AGAP1: variants seen among roughly 807,000 people sequenced by gnomAD.
AGAP1 encodes the protein ArfGAP with GTPase domain, ankyrin repeat and PH domain 1.
In AGAP1, 29 loss-of-function variants were observed where a neutral mutation model predicts 105.3. The observed-to-expected ratio is 0.28, with a 90% confidence interval of 0.21 to 0.38. The LOEUF (loss-of-function observed/expected upper bound fraction) is 0.38, where lower values mean the gene tolerates loss of function less well. Among genes scored for constraint, AGAP1 ranks in the 10% least tolerant of loss-of-function variants. The probability of loss-of-function intolerance (pLI) is 1.00; values close to 1 mark genes in which losing one functional copy is unlikely to be tolerated. For missense variants in AGAP1, 998 were observed against 1,165.1 expected (o/e 0.86, Z 2.09); for synonymous variants, 509 against 485.9 (o/e 1.05, Z -0.63).
chr2:235,868,047 G>A (rs1369761986), intron 9 of AGAP1, among the ~76,000 whole-genome samples: 2 of 152,118 alleles, frequency 1.3e-5, no homozygotes, highest in Non-Finnish European at 2.9e-5. Context: ...TCAGTTAAAG[G>A]TGCCAGCTTT....
chr2:235,589,294 C>T (rs1945252848), intron 1 of AGAP1, among the ~76,000 whole-genome samples: 1 of 145,828 alleles, frequency 6.9e-6, no homozygotes, highest in Non-Finnish European at 1.5e-5. Flanking sequence ...CAATCCCTGC[C>T]TCCCAGGTTC....
At chr2:235,715,063 C>T (rs1252961221) in intron 2 of AGAP1, among the ~76,000 whole-genome samples, 10 of 152,324 alleles carry the variant, frequency 6.6e-5, no homozygotes, top group Non-Finnish European at 1.5e-4. Context: ...CCCCAAAGTG[C>T]CGGGATTACA....
rs939891722 is a variant in AGAP1 at position 235,734,763 on chromosome 2, C to T, written c.311-6200C>T. ...TGGATGCTGCAAAACGCAGCAAACA[C>T]GGAGGCTGCCGGCTTTGTTTCTGTA... On this transcript the variant is annotated intron_variant, in intron 3 of 17. Transcript: ENST00000304032. This position sits in a 1 kb window ranked among gnomAD's most constrained non-coding sequence, Gnocchi z 5.3. 3.6e-4 allele frequency among the ~76,000 whole-genome samples: 55 copies of T among 152,282 alleles called. 1 individual carries two copies. The highest frequency in any genetic ancestry group is 3.4e-3 in the Middle Eastern group (1 of 294).
Position 235,642,042 on chromosome 2 carries a change from T to C in AGAP1, c.164-67137T>C, listed in dbSNP as rs1025528011. Among the ~76,000 whole-genome samples, 4 of 152,226 alleles carry C rather than the reference T, an allele frequency of 2.6e-5. No individual in the cohort carries two copies. The highest frequency in any genetic ancestry group is 2.6e-4 in the Admixed American group (4 of 15,286). On this transcript the variant is annotated intron_variant, in intron 1 of 17. Transcript: ENST00000304032. This position sits in a 1 kb window ranked among gnomAD's most constrained non-coding sequence, Gnocchi z 4.1. ...ATCTTCTTACATCATCTTGCTTCTT[T>C]ACTCAGCATAAAGCCTCGTAGTAGA... is the stretch of plus-strand genomic sequence containing the variant.
intron 6 of AGAP1, chr2:235,774,294 C>G (rs186840058): frequency 8.8e-5 from 41 of 467,576 alleles, no homozygotes; most frequent in African/African-American, 4.4e-4. Context: ...AGAGGAGTCC[C>G]TCACACACCT....
rs1300627641 is a variant in AGAP1, at chr2:235,750,751, G to A, written c.673+263G>A. ...TGTGTCTCCTATGGGGCCTTTTTGT[G>A]TACAGGATAGAACATTTCTTGAGCT... On this transcript the variant is annotated intron_variant, in intron 6 of 17. Coordinates refer to ENST00000304032, the MANE Select transcript of AGAP1 (RefSeq NM_001037131.3). The surrounding 1 kb of genome is among the most constrained non-coding windows in gnomAD (Gnocchi z 5.3). Among the ~76,000 whole-genome samples, 1 of 152,158 alleles carries A rather than the reference G, an allele frequency of 6.6e-6. No individual in the cohort carries two copies. Among genetic ancestry groups the A allele is most frequent in the African/African-American group, 2.4e-5 (1 of 41,426 alleles).
Position 235,706,614 on chromosome 2 carries a change from A to G in AGAP1, c.164-2565A>G, listed in dbSNP as rs530804961. Among the ~76,000 whole-genome samples the G allele has an allele frequency of 2.0e-3, 306 of 152,302 alleles. 1 individual carries two copies. Among genetic ancestry groups the G allele is most frequent in the Non-Finnish European group, 3.3e-3 (223 of 68,030 alleles). ...CATCTCTGTATCGCACCTGGCTGTC[A>G]TCACTTGATAGTAGCCTGGGGACTT... is the stretch of plus-strand genomic sequence containing the variant. On this transcript the variant is annotated intron_variant, in intron 1 of 17. Coordinates refer to ENST00000304032, the MANE Select transcript of AGAP1 (RefSeq NM_001037131.3).
At chr2:235,657,430 G>A (rs1947808476) in intron 1 of AGAP1, among the ~76,000 whole-genome samples, 1 of 152,190 alleles carries the variant, frequency 6.6e-6, no homozygotes, top group Admixed American at 6.5e-5. Flanking sequence ...CCTGGCTGGA[G>A]TGTAATGGCG....
chr2:235,730,012 A>G (rs1710829), intron 3 of AGAP1, among the ~76,000 whole-genome samples: 115,664 of 151,974 alleles, frequency 0.76, 44,635 homozygotes, highest in East Asian at 0.99. Flanking sequence ...AGGATTTCTT[A>G]GTTTCTCCAT....
chr2:235,565,912 G>A (rs954269793), intron 1 of AGAP1, among the ~76,000 whole-genome samples: 8 of 152,058 alleles, frequency 5.3e-5, no homozygotes, highest in Non-Finnish European at 8.8e-5. Flanking sequence ...AAGATATTAA[G>A]AAACTGTTAA....
chr2:235,937,231 G>C (rs550782771), intron 12 of AGAP1, among the ~76,000 whole-genome samples: 1 of 152,152 alleles, frequency 6.6e-6, no homozygotes, highest in Admixed American at 6.5e-5. Flanking sequence ...AGGGCTGCTC[G>C]GCTCGCCAGG....
In AGAP1 at chr2:235,927,708, C is replaced by T. The variant is rs1575801742; in HGVS notation, c.1325-3057C>T. 6.6e-6 allele frequency among the ~76,000 whole-genome samples: 1 copy of T among 152,176 alleles called. No homozygotes were observed. The highest frequency in any genetic ancestry group is 1.9e-4 in the East Asian group (1 of 5,186). ...AGTGATGGATGCACTGAAATACTGT[C>T]CTCTGCCTTTTAAAGGAAATTGTTC... On this transcript the variant is annotated intron_variant, in intron 11 of 17. Coordinates refer to ENST00000304032, the MANE Select transcript of AGAP1 (RefSeq NM_001037131.3). This position sits in a 1 kb window ranked among gnomAD's most constrained non-coding sequence, Gnocchi z 4.4.
intron 1 of AGAP1, among the ~76,000 whole-genome samples, chr2:235,501,971 A>T (rs1044826448): frequency 1.3e-5 from 2 of 152,088 alleles, no homozygotes; most frequent in Admixed American, 1.3e-4. Context: ...GTTAATCTCT[A>T]ATCTTTGCAG....
chr2:235,562,557 A>G (rs1301431064), intron 1 of AGAP1, among the ~76,000 whole-genome samples: 1 of 147,874 alleles, frequency 6.8e-6, no homozygotes, highest in African/African-American at 2.5e-5. Flanking sequence ...CCGCTGCCCC[A>G]TGCTTTCTGG....
At chr2:235,858,606 A>T (rs571602116) in intron 9 of AGAP1, among the ~76,000 whole-genome samples, 2 of 152,334 alleles carry the variant, frequency 1.3e-5, no homozygotes, top group Admixed American at 1.3e-4. Flanking sequence ...AAAAATATGA[A>T]CTAGTTCACA....
At chr2:235,756,942 G>C (rs983622986) in intron 6 of AGAP1, among the ~76,000 whole-genome samples, 3 of 152,026 alleles carry the variant, frequency 2.0e-5, no homozygotes, top group African/African-American at 7.3e-5. Context: ...AAAGGTTGGG[G>C]ACTGCTGCTA....
At chr2:235,972,519 G>A (rs2054692367) in intron 13 of AGAP1, among the ~76,000 whole-genome samples, 1 of 151,434 alleles carries the variant, frequency 6.6e-6, no homozygotes, top group Admixed American at 6.6e-5. Flanking sequence ...ACGGGGTGAG[G>A]AGAGGGCAAC....
At chr2:236,018,301 A>G (rs1337060942) in intron 13 of AGAP1, among the ~76,000 whole-genome samples, 1 of 152,212 alleles carries the variant, frequency 6.6e-6, no homozygotes, top group African/African-American at 2.4e-5. Context: ...AGATCTAAAT[A>G]CCAGATGACT....
rs758720602 is a variant in AGAP1, at chr2:235,744,874, G to GATT, written c.538+35_538+36insATT. 327 of 1,606,094 alleles carry GATT rather than the reference G, an allele frequency of 2.0e-4. No homozygotes were observed. In the African/African-American group the frequency reaches 2.2e-3, roughly 11 times the overall value. On this transcript the variant is annotated intron_variant, in intron 5 of 17. Coordinates refer to ENST00000304032, the MANE Select transcript of AGAP1 (RefSeq NM_001037131.3). This position sits in a 1 kb window ranked among gnomAD's most constrained non-coding sequence, Gnocchi z 5.2. ...GTTCGTGTGCAGATTGTTTTGAAAG[G>GATT]GTTCTAACAGTTACATATTTTCAGT...
Sources: allele counts gnomAD v4.1 joint callset (sites outside exome capture counted in the v4.1 genomes callset), GRCh38; gene constraint gnomAD v4.1.1; non-coding constraint Gnocchi (gnomAD v3.1); transcripts MANE v1.5; gene names NCBI Gene and HGNC (gene_info 2026-07-23, HGNC 2026-07-21).